Variants in SEZ6 observed in about 807,000 individuals in gnomAD.
SEZ6 encodes the protein seizure related 6 homolog.
Under a neutral mutation model 101.0 loss-of-function variants are expected in SEZ6, and 53 were observed. The ratio of observed to expected loss-of-function variants is 0.52; its 90% CI spans 0.42 to 0.66. SEZ6 has a LOEUF of 0.66. Among genes scored for constraint, SEZ6 ranks in the 30% least tolerant of loss-of-function variants. The pLI is 0.00. For synonymous variants in SEZ6, 488 were observed against 512.2 expected, an observed-to-expected ratio of 0.95 and a Z score of 0.64; for missense variants, 1,102 against 1,289.4, an observed-to-expected ratio of 0.85 and a Z score of 2.23.
intron 3 of SEZ6, among the ~76,000 whole-genome samples, chr17:28,976,606 G>C (rs971531908): frequency 6.6e-6 from 1 of 152,144 alleles, no homozygotes; most frequent in African/African-American, 2.4e-5. Flanking sequence ...AGGCCTTCCA[G>C]CTGCCCACCC....
rs774033475 is a variant in SEZ6 at position 28,957,202 on chromosome 17, C to G, written c.2535G>C (p.Glu845Asp). 2 of 1,614,036 alleles carry G rather than the reference C, an allele frequency of 1.2e-6. No homozygotes were observed. The highest frequency in any genetic ancestry group is 8.5e-7 in the Non-Finnish European group (1 of 1,179,886). The change falls in exon 13 of 17, where the codon GAG becomes GAC. Residue 845 changes from glutamate (E) to aspartate (D), a missense_variant. Glu to Asp is a conservative substitution (Grantham distance 45). This residue lies in a region of SEZ6 where 556 missense variants were observed against 735.1 expected (regional missense o/e 0.76). Transcript: ENST00000317338. ...GCTTCTCAGGACTTCGGGCACCATT[C>G]TCAGGGGCACTGAGACCATGGCATG... ...LKPCHGLSAP[E>D]NGARSPEKQL... is the part of the protein sequence containing the mutation.
chr17:28,999,631 C>T (rs534620763), intron 1 of SEZ6, among the ~76,000 whole-genome samples: 2 of 152,196 alleles, frequency 1.3e-5, no homozygotes, highest in Admixed American at 1.3e-4. Flanking sequence ...ATCCTCCCCC[C>T]ACAGGTCTGG....
rs1237534855 is a variant in SEZ6 at position 28,959,942 on chromosome 17, C to T, written c.1577-50G>A. ...GCTCAGCCTTGACTGGTATTAAACA[C>T]AGTGGGCAAGCATCCCCCTACTTCC... On this transcript the variant is annotated intron_variant, in intron 7 of 16. Transcript: ENST00000317338. This position sits in a 1 kb window ranked among gnomAD's most constrained non-coding sequence, Gnocchi z 4.4. The T allele has an allele frequency of 7.7e-6, 12 of 1,551,684 alleles. No individual in the cohort carries two copies. Among genetic ancestry groups the T allele is most frequent in the South Asian group, 7.1e-5 (6 of 84,410 alleles).
At chr17:28,979,856 G>A in intron 2 of SEZ6, 43 bp from the exon 3 acceptor site, 1 of 1,571,736 alleles carries the variant, frequency 6.4e-7, no homozygotes, top group South Asian at 1.2e-5. Context: ...CAGCTCTGGT[G>A]AAGTGGTCCA....
chr17:28,966,389 A>G (rs2041068274), intron 4 of SEZ6, among the ~76,000 whole-genome samples: 2 of 151,338 alleles, frequency 1.3e-5, no homozygotes, highest in African/African-American at 4.9e-5. Context: ...AGGCTGAGGC[A>G]GGAGAATCGC....
In SEZ6 at chr17:28,955,974, G is replaced by A. The variant is rs372817696; in HGVS notation, c.2973C>T (p.Asp991=). 80 of 1,612,404 alleles carry A rather than the reference G, an allele frequency of 5.0e-5. No homozygotes were observed. Among genetic ancestry groups the A allele is most frequent in the Middle Eastern group, 1.7e-4 (1 of 6,054 alleles). ...CTAGATGGAGACTTCATATTCTCTC[G>A]TCTCCTGCAAAGGAAAGAGACTGCT... ...YETGSLSFAG[D]ERI is the part of the protein sequence containing the mutation. Residue 991 remains aspartate, a synonymous_variant, in exon 17 of 17, where the codon GAC becomes GAT. Coordinates refer to ENST00000317338, the MANE Select transcript of SEZ6 (RefSeq NM_178860.5).
chr17:28,992,907 C>T (rs977897503), intron 1 of SEZ6, among the ~76,000 whole-genome samples: 1 of 152,180 alleles, frequency 6.6e-6, no homozygotes, highest in Non-Finnish European at 1.5e-5. Flanking sequence ...CTGCACTCTA[C>T]ACCGTCCCCT....
In SEZ6 at chr17:28,959,113, G is replaced by A. The variant is rs1314223718; in HGVS notation, c.2019C>T (p.Thr673=). 1.9e-6 allele frequency: 3 copies of A among 1,613,996 alleles called. No individual in the cohort carries two copies. The highest frequency in any genetic ancestry group is 2.5e-6 in the Non-Finnish European group (3 of 1,179,880). The part of the protein sequence containing the change: ...SGPRSHFKLF[T]SMADVTIQFQ... ...ACTGAATGGTGACATCAGCCATGGA[G>A]GTAAAGAGCTTGAAGTGGCTACGGG... is the stretch of plus-strand genomic sequence containing the variant. Residue 673 remains threonine, a synonymous_variant, in exon 10 of 17, where the codon ACC becomes ACT. Transcript: ENST00000317338. This position sits in a 1 kb window ranked among gnomAD's most constrained non-coding sequence, Gnocchi z 4.4.
At chr17:28,991,267 C>T (rs1403237672) in intron 1 of SEZ6, among the ~76,000 whole-genome samples, 1 of 148,386 alleles carries the variant, frequency 6.7e-6, no homozygotes, top group Admixed American at 6.7e-5. Flanking sequence ...TGCAGTGGCA[C>T]GATCTTGGCT....
intron 3 of SEZ6, among the ~76,000 whole-genome samples, chr17:28,971,136 C>T (rs1246045836): frequency 2.0e-5 from 3 of 152,164 alleles, no homozygotes; most frequent in Admixed American, 6.5e-5. Context: ...GATTGGGAGC[C>T]CAGAAATCTG....
At position 28,981,835 on chromosome 17, in the gene SEZ6, T is replaced by G. The variant is rs761739403; in HGVS notation, c.260A>C (p.Glu87Ala). The part of the protein sequence containing the change: ...LQEGLEKGDE[E>A]LRPALPFQPD... Reference sequence around the variant, plus strand: ...CTGGAAGGGCAGTGCTGGCCTCAGCTCCTCATCTCCCTTTTCCAGCCCCTC... The same window carrying G: ...CTGGAAGGGCAGTGCTGGCCTCAGCGCCTCATCTCCCTTTTCCAGCCCCTC... The change falls in exon 2 of 17, where the codon GAG becomes GCG. Residue 87 changes from glutamate (E) to alanine (A), a missense_variant. Physicochemically the swap from Glu to Ala is moderately radical, Grantham distance 107. This residue lies in a region of SEZ6 where 406 missense variants were observed against 418.6 expected (regional missense o/e 0.97). Coordinates refer to ENST00000317338, the MANE Select transcript of SEZ6 (RefSeq NM_178860.5). 6 of 1,613,748 alleles carry G rather than the reference T, an allele frequency of 3.7e-6. No individual in the cohort carries two copies. Among genetic ancestry groups the G allele is most frequent in the Non-Finnish European group, 5.1e-6 (6 of 1,179,842 alleles).
intron 1 of SEZ6, among the ~76,000 whole-genome samples, chr17:28,983,175 ACT>A (rs2041334356): frequency 6.6e-6 from 1 of 152,128 alleles, no homozygotes; most frequent in African/African-American, 2.4e-5. Flanking sequence ...AATAACCCAA[ACT>A]CTCTGAAGCT....
At chr17:28,964,893 C>G (rs2041039895) in intron 4 of SEZ6, among the ~76,000 whole-genome samples, 1 of 151,472 alleles carries the variant, frequency 6.6e-6, no homozygotes, top group Non-Finnish European at 1.5e-5. Flanking sequence ...CCCGTCTCTA[C>G]TAAAAATACA....
chr17:28,975,324 T>A (rs904687176), intron 3 of SEZ6, among the ~76,000 whole-genome samples: 3 of 152,210 alleles, frequency 2.0e-5, no homozygotes, highest in African/African-American at 7.2e-5. Context: ...GGGAGCTTGC[T>A]GACCCCAGAG....
intron 1 of SEZ6, among the ~76,000 whole-genome samples, chr17:28,986,234 C>T (rs1318817098): frequency 2.6e-5 from 4 of 152,240 alleles, no homozygotes; most frequent in East Asian, 1.9e-4. Flanking sequence ...TGGATTCTCT[C>T]CCGCTCCCGC....
At chr17:28,984,540 G>A (rs2041351656) in intron 1 of SEZ6, among the ~76,000 whole-genome samples, 1 of 152,216 alleles carries the variant, frequency 6.6e-6, no homozygotes, top group South Asian at 2.1e-4. Flanking sequence ...GCTGCCAGGT[G>A]GGTGCTGAGC....
chr17:28,992,135 A>C (rs1420673046), intron 1 of SEZ6, among the ~76,000 whole-genome samples: 1 of 152,224 alleles, frequency 6.6e-6, no homozygotes, highest in Non-Finnish European at 1.5e-5. Context: ...CTAGCCATGC[A>C]CTTCACAAAG....
chr17:28,979,003 G>A (rs1017484891), intron 3 of SEZ6, among the ~76,000 whole-genome samples: 2 of 152,128 alleles, frequency 1.3e-5, no homozygotes, highest in Non-Finnish European at 2.9e-5. Flanking sequence ...CATCCACATT[G>A]CACTATGGTG....
chr17:28,996,703 C>T (rs985613128), intron 1 of SEZ6, among the ~76,000 whole-genome samples: 3 of 152,044 alleles, frequency 2.0e-5, no homozygotes, highest in South Asian at 2.1e-4. Flanking sequence ...GACAGGTGAA[C>T]GAGCCAGGCA....
Sources: gnomAD v4.1 joint callset for allele counts (sites outside exome capture counted in the v4.1 genomes callset) on GRCh38, gnomAD v4.1.1 for gene constraint, gnomAD v4.1.1 regional missense constraint, Gnocchi (gnomAD v3.1) non-coding constraint, MANE v1.5 for transcripts, NCBI Gene and HGNC (gene_info 2026-07-23, HGNC 2026-07-21) for gene names.